Variants in UMOD observed in about 807,000 individuals in gnomAD.
UMOD encodes uromodulin.
Under a neutral mutation model 66.0 loss-of-function variants are expected in UMOD, and 64 were observed. The ratio of observed to expected loss-of-function variants is 0.97; its 90% CI spans 0.79 to 1.19. UMOD has a LOEUF of 1.19. Ranked by LOEUF, UMOD falls within the 50% of genes most tolerant of loss-of-function variation. UMOD has a pLI of 0.00. For missense variants in UMOD, 764 were observed against 850.9 expected (o/e 0.90, Z 1.27); for synonymous variants, 398 against 352.7 (o/e 1.13, Z -1.44).
intron 7 of UMOD, 105 bp from the exon 8 acceptor site, chr16:20,337,558 T>A (rs1964957008): frequency 1.4e-6 from 2 of 1,423,140 alleles, no homozygotes; most frequent in East Asian, 2.3e-5. Context: ...TGTGTGACTT[T>A]GGGCAACTTA....
rs1390022619 is a variant in UMOD at position 20,333,465 on chromosome 16, A to G, written c.1862-90T>C. On this transcript the variant is annotated intron_variant, in intron 10 of 10. Transcript: ENST00000396138. ...GCTGCCTCGTCTAGGCTGACCAATC[A>G]GAAGAGGACACCCTCTCTGGGCTGC... The G allele has an allele frequency of 1.1e-5, 14 of 1,220,318 alleles. No individual in the cohort carries two copies. The East Asian group carries it at 2.8e-4, about 24-fold the overall frequency. The allele number at this position is 1,220,318 out of a possible 1,614,324, so 75.6% of individuals were successfully genotyped here.
Position 20,348,533 on chromosome 16 carries a change from G to A in UMOD, c.768C>T (p.Cys256=), listed in dbSNP as rs774838407. 5.6e-6 allele frequency: 9 copies of A among 1,604,346 alleles called. No homozygotes were observed. In the Admixed American group the frequency reaches 6.7e-5, roughly 12 times the overall value. Residue 256 remains cysteine, a synonymous_variant, in exon 3 of 11, where the codon TGC becomes TGT. Transcript: ENST00000396138. ...KACAHWSGHC[C]LWDASVQVKA... ...TCACCTGGACGGACGCATCCCACAG[G>A]CAGCAGTGGCCGCTCCAGTGCGCGC...
At chr16:20,334,367 A>G (rs768105187) in intron 10 of UMOD, among the ~76,000 whole-genome samples, 3 of 152,218 alleles carry the variant, frequency 2.0e-5, no homozygotes, top group Non-Finnish European at 4.4e-5. Flanking sequence ...GAAGTGCCCA[A>G]TATACAGATC....
Position 20,350,535 on chromosome 16 carries a change from C to T in UMOD, c.88+115G>A, listed in dbSNP as rs1311946727. 7 of 1,311,764 alleles carry T rather than the reference C, an allele frequency of 5.3e-6. 1 individual carries two copies. The South Asian group carries it at 6.3e-5, about 12-fold the overall frequency. The allele number at this position is 1,311,764 out of a possible 1,614,324, so 81.3% of individuals were successfully genotyped here. Reference sequence around the variant, plus strand: ...CTTAGAATGAAGACAATGCAAGTCTCAAGTGCGATAGGAGGATTGAGATCA... The same window carrying T: ...CTTAGAATGAAGACAATGCAAGTCTTAAGTGCGATAGGAGGATTGAGATCA... On this transcript the variant is annotated intron_variant, in intron 2 of 10. Transcript: ENST00000396138.
intron 9 of UMOD, 97 bp downstream of exon 9, chr16:20,336,549 G>C: frequency 8.5e-7 from 1 of 1,174,576 alleles, no homozygotes; most frequent in African/African-American, 1.5e-5. Flanking sequence ...GTTCTTCAGA[G>C]CTCAGTAAGG....
chr16:20,342,933 C>G (rs1030565791), intron 6 of UMOD, among the ~76,000 whole-genome samples: 6 of 152,008 alleles, frequency 3.9e-5, no homozygotes, highest in African/African-American at 1.5e-4. Context: ...AGTTTGAGAC[C>G]AGCCTGGCCA....
intron 7 of UMOD, 32 bp from the exon 8 acceptor site, chr16:20,337,485 G>A (rs767266657): frequency 6.8e-6 from 11 of 1,613,764 alleles, no homozygotes; most frequent in Non-Finnish European, 9.3e-6. Context: ...TAATGTGGTT[G>A]GTTAAATAAA....
intron 6 of UMOD, among the ~76,000 whole-genome samples, chr16:20,343,131 A>ATAAG (rs1965333070): frequency 6.6e-6 from 1 of 151,322 alleles, no homozygotes. Flanking sequence ...CTCCGTCTCA[A>ATAAG]TAAATAAATA....
intron 1 of UMOD, among the ~76,000 whole-genome samples, chr16:20,351,884 G>C (rs948828102): frequency 1.3e-5 from 2 of 151,780 alleles, no homozygotes; most frequent in African/African-American, 2.4e-5. Context: ...CGGGCATGGT[G>C]GTGGGCGCCT....
chr16:20,344,196 GGGGGGGTGGGGATGAGAGAAA>G, intron 5 of UMOD, 24 bp from the exon 6 acceptor site: 3 of 1,463,196 alleles, frequency 2.1e-6, no homozygotes, highest in Non-Finnish European at 2.9e-6. Flanking sequence ...TGGGGGTGGA[GGGGGGGTGGGGATGAGAGAAA>G]GGGGCATGAG....
intron 2 of UMOD, chr16:20,349,591 C>T: frequency 2.2e-6 from 3 of 1,334,180 alleles, no homozygotes; most frequent in Non-Finnish European, 3.0e-6. Context: ...GTTGGGACCA[C>T]AGGCACGTGC....
rs760788617 is a variant in UMOD, at chr16:20,341,258, C to G, written c.1410G>C (p.Gln470His). 1.9e-6 allele frequency: 3 copies of G among 1,614,044 alleles called. No individual in the cohort carries two copies. In the South Asian group the frequency reaches 3.3e-5, roughly 18 times the overall value. Residue 470 changes from glutamine to histidine, a missense_variant, in exon 7 of 11, where the codon CAG (glutamine) becomes CAC (histidine). Coordinates refer to ENST00000396138, the MANE Select transcript of UMOD (RefSeq NM_003361.4). ...MALFQTPSYT[Q>H]PYQGSSVTLS... Reference sequence around the variant, plus strand: ...GTGTCACGGAGGAGCCTTGGTAGGGCTGCGTGTAGGAAGGGGTCTGGAAGA... The same window carrying G: ...GTGTCACGGAGGAGCCTTGGTAGGGGTGCGTGTAGGAAGGGGTCTGGAAGA...
At chr16:20,354,668 C>A (rs555274098), upstream of UMOD, among the ~76,000 whole-genome samples, 1 of 152,090 alleles carries the variant, frequency 6.6e-6, no homozygotes, top group Non-Finnish European at 1.5e-5. Context: ...AAGACTTGGG[C>A]AGGAAAATGG....
intron 1 of UMOD, 76 bp from the exon 2 acceptor site, chr16:20,350,915 A>G: frequency 5.6e-6 from 8 of 1,431,760 alleles, no homozygotes; most frequent in Non-Finnish European, 7.5e-6. Context: ...CTTTGATTGT[A>G]TAGTATACAA....
rs113923200 is a variant in UMOD, at chr16:20,340,394, C to T, written c.1577+697G>A. Among the ~76,000 whole-genome samples, 519 of 148,700 alleles carry T rather than the reference C, an allele frequency of 3.5e-3. 1 individual carries two copies. The highest frequency in any genetic ancestry group is 0.012 in the African/African-American group (471 of 40,486). On this transcript the variant is annotated intron_variant, in intron 7 of 10. Coordinates refer to ENST00000396138, the MANE Select transcript of UMOD (RefSeq NM_003361.4). ...CTCAAAAAAACCAAACCAAATCAAA[C>T]GACCAAAAAAAAAGACATTTGAAAT...
chr16:20,336,612 G>A (rs969422243), intron 9 of UMOD, 34 bp downstream of exon 9: 1 of 1,599,604 alleles, frequency 6.3e-7, no homozygotes, highest in Non-Finnish European at 8.6e-7. Flanking sequence ...ATCTTTCCCA[G>A]CCAGGAATGT....
At chr16:20,335,590 C>G in intron 9 of UMOD, 70 bp from the exon 10 acceptor site, 1 of 1,481,622 alleles carries the variant, frequency 6.7e-7, no homozygotes, top group East Asian at 2.3e-5. Flanking sequence ...TGACAGAAAC[C>G]CCTTCAATCT....
intron 1 of UMOD, chr16:20,352,407 T>C (rs1965944505): frequency 8.9e-6 from 3 of 338,516 alleles, no homozygotes; most frequent in South Asian, 1.5e-4. Flanking sequence ...GCCCAGCACA[T>C]AGCAAGTTGT....
At chr16:20,352,021 C>A (rs866018587) in intron 1 of UMOD, among the ~76,000 whole-genome samples, 314 of 122,970 alleles carry the variant, frequency 2.6e-3, no homozygotes, top group African/African-American at 6.0e-3. Flanking sequence ...CCCCCCCCCC[C>A]AAAAAAAAAA....
Sources: allele counts gnomAD v4.1 joint callset (sites outside exome capture counted in the v4.1 genomes callset), GRCh38; gene constraint gnomAD v4.1.1; transcripts MANE v1.5; gene names NCBI Gene and HGNC (gene_info 2026-07-23, HGNC 2026-07-21).